The following STX4 variants were observed in gnomAD, a reference collection of about 807,000 sequenced individuals.
STX4 encodes the protein syntaxin 4, also known as syntaxin-4.
Under a neutral mutation model 41.8 loss-of-function variants are expected in STX4, and 24 were observed. The ratio of observed to expected loss-of-function variants is 0.57; its 90% CI spans 0.42 to 0.81. The LOEUF (loss-of-function observed/expected upper bound fraction) is 0.81, where lower values mean the gene tolerates loss of function less well. STX4 is among the 30% of genes least tolerant of loss of function. The probability of loss-of-function intolerance (pLI) is 0.00; values close to 1 mark genes in which losing one functional copy is unlikely to be tolerated. For synonymous variants in STX4, 158 were observed against 156.4 expected (o/e 1.01, Z -0.08); for missense variants, 316 against 389.9 (o/e 0.81, Z 1.60).
chr16:31,033,613 C>A lies in STX4; in HGVS notation c.-193C>A. 6.7e-7 allele frequency: 1 copy of A among 1,491,078 alleles called. No individual in the cohort carries two copies. Among genetic ancestry groups the A allele is most frequent in the East Asian group, 2.5e-5 (1 of 40,378 alleles). The allele number at this position is 1,491,078 out of a possible 1,614,324, so 92.4% of individuals were successfully genotyped here. A position where few individuals can be genotyped will look rare whatever the true frequency, so the allele number is the denominator to read the frequency against. On this transcript the variant is annotated 5_prime_UTR_variant, in exon 1 of 11. Coordinates refer to ENST00000313843, the MANE Select transcript of STX4 (RefSeq NM_004604.5). The surrounding 1 kb of genome is among the most constrained non-coding windows in gnomAD (Gnocchi z 5.5). ...AAAAGGGAATTCCAACCTGTGGAACCTTGGGGGGTCCCCGGGGTCGGCGCC... is the reference window on the plus strand; with the variant it reads ...AAAAGGGAATTCCAACCTGTGGAACATTGGGGGGTCCCCGGGGTCGGCGCC...
Position 31,033,782 on chromosome 16 carries a change from C to A in STX4, c.-24C>A. 6.9e-7 allele frequency: 1 copy of A among 1,450,224 alleles called. No homozygotes were observed. The highest frequency in any genetic ancestry group is 9.1e-7 in the Non-Finnish European group (1 of 1,099,304). 89.8% of individuals were successfully genotyped at this position (1,450,224 alleles called of 1,614,324 possible). A position where few individuals can be genotyped will look rare whatever the true frequency, so the allele number is the denominator to read the frequency against. ...TTTGAGGGCCTCCCGGCTCTGGCGC[C>A]GGGGAGGGAGAGCTCAGGCCGCCAT... On this transcript the variant is annotated 5_prime_UTR_variant, in exon 1 of 11. Coordinates refer to ENST00000313843, the MANE Select transcript of STX4 (RefSeq NM_004604.5). This position sits in a 1 kb window ranked among gnomAD's most constrained non-coding sequence, Gnocchi z 5.5.
At position 31,039,847 on chromosome 16, in the gene STX4, T is replaced by TGCCCCAGCCCTGGCCC. The variant is rs774245402; in HGVS notation, c.*15+30_*15+45dup. The TGCCCCAGCCCTGGCCC allele has an allele frequency of 1.3e-6, 2 of 1,599,806 alleles. No individual in the cohort carries two copies. The highest frequency in any genetic ancestry group is 1.7e-6 in the Non-Finnish European group (2 of 1,167,204). Reference sequence around the variant, plus strand: ...AGATGTTGTGGGCTGCCCCCTGGCCTGCCCCAGCCCTGGCCCCAGCCCTCC... The same window carrying TGCCCCAGCCCTGGCCC: ...AGATGTTGTGGGCTGCCCCCTGGCCTGCCCCAGCCCTGGCCCGCCCCAGCCCTGGCCCCAGCCCTCC... On this transcript the variant is annotated intron_variant, in intron 10 of 10. Coordinates refer to ENST00000313843, the MANE Select transcript of STX4 (RefSeq NM_004604.5). This position sits in a 1 kb window ranked among gnomAD's most constrained non-coding sequence, Gnocchi z 4.1.
rs142253791 is a variant in STX4, at chr16:31,039,620, C to A, written c.782C>A (p.Thr261Lys). 1.2e-6 allele frequency: 2 copies of A among 1,614,164 alleles called. No individual in the cohort carries two copies. Among genetic ancestry groups the A allele is most frequent in the East Asian group, 2.2e-5 (1 of 44,882 alleles). ...YVERGQEHVK[T>K]ALENQKKARK... ...GAACGTGGGCAGGAGCACGTCAAGACGGCCCTGGAGAACCAGAAGAAGGCG... is the reference window on the plus strand; with the variant it reads ...GAACGTGGGCAGGAGCACGTCAAGAAGGCCCTGGAGAACCAGAAGAAGGCG... The change falls in exon 9 of 11, where the codon ACG (threonine) becomes AAG (lysine). Residue 261 changes from threonine (T) to lysine (K), a missense_variant. By Grantham distance (78) the Thr-to-Lys change is moderately conservative. Transcript: ENST00000313843. The surrounding 1 kb of genome is among the most constrained non-coding windows in gnomAD (Gnocchi z 4.1).
intron 4 of STX4, 74 bp from the exon 5 acceptor site, chr16:31,034,895 AT>A: frequency 7.6e-7 from 1 of 1,322,614 alleles, no homozygotes; most frequent in Non-Finnish European, 1.0e-6. Context: ...AGCCTTAGTC[AT>A]TTTATGATAA....
chr16:31,036,501 C>T lies in STX4; in HGVS notation c.379-1425C>T, dbSNP rs148753960. Among the ~76,000 whole-genome samples the T allele has an allele frequency of 5.8e-3, 881 of 152,214 alleles. 2 individuals carry two copies. The highest frequency in any genetic ancestry group is 0.01 in the Non-Finnish European group (709 of 68,022). ...AGGTTGGCATTCAGCAAGCATTCAGCAGTTACATATTGGGTGCCTACTGTG... is the reference window on the plus strand; with the variant it reads ...AGGTTGGCATTCAGCAAGCATTCAGTAGTTACATATTGGGTGCCTACTGTG... On this transcript the variant is annotated intron_variant, in intron 5 of 10. Transcript: ENST00000313843.
rs1328314236 is a variant in STX4, at chr16:31,039,308, A to G, written c.703-233A>G. ...GAGCCATTTGAGGCCCTTAGCTCCA[A>G]GCTACCACTGCAGATAGAGGTTGTA... On this transcript the variant is annotated intron_variant, in intron 8 of 10. Coordinates refer to ENST00000313843, the MANE Select transcript of STX4 (RefSeq NM_004604.5). The surrounding 1 kb of genome is among the most constrained non-coding windows in gnomAD (Gnocchi z 4.1). The G allele has an allele frequency of 1.9e-6, 1 of 516,708 alleles. No individual in the cohort carries two copies. The highest frequency in any genetic ancestry group is 1.9e-5 in the African/African-American group (1 of 52,276). 32.0% of individuals were successfully genotyped at this position (516,708 alleles called of 1,614,324 possible).
chr16:31,037,803 G>GGTTAAGGTT (rs2056813469), intron 5 of STX4, 123 bp from the exon 6 acceptor site: 1 of 899,244 alleles, frequency 1.1e-6, no homozygotes, highest in Non-Finnish European at 1.8e-6. Flanking sequence ...ATCACAAGGT[G>GGTTAAGGTT]GTTAAGGTGG....
intron 4 of STX4, 105 bp from the exon 5 acceptor site, chr16:31,034,865 C>T: frequency 2.8e-6 from 3 of 1,073,872 alleles, no homozygotes; most frequent in Non-Finnish European, 4.0e-6. Context: ...AATAAACTTA[C>T]TTTCTCCTCT....
intron 4 of STX4, 93 bp from the exon 5 acceptor site, chr16:31,034,877 A>C: frequency 3.4e-6 from 4 of 1,176,190 alleles, no homozygotes; most frequent in Non-Finnish European, 4.8e-6. Context: ...TTCTCCTCTT[A>C]GAGGCTCAGC....
At position 31,039,692 on chromosome 16, in the gene STX4, G is replaced by T; in HGVS notation, c.814-31G>T. On this transcript the variant is annotated intron_variant, in intron 9 of 10. Transcript: ENST00000313843. The surrounding 1 kb of genome is among the most constrained non-coding windows in gnomAD (Gnocchi z 4.1). ...CCGGCCACTGCCCCAGGCACCCTGT[G>T]TGACTTCCCTGACCCCCTCCTCTCC... is the stretch of plus-strand genomic sequence containing the variant. The T allele has an allele frequency of 6.2e-7, 1 of 1,614,198 alleles. No individual in the cohort carries two copies.
At chr16:31,038,246 G>A (rs1326032803) in intron 7 of STX4, 56 bp downstream of exon 7, 30 of 1,604,230 alleles carry the variant, frequency 1.9e-5, no homozygotes, top group Non-Finnish European at 2.4e-5. Context: ...TCTGAGTCCT[G>A]TCCGTTTCTC....
chr16:31,033,771 G>GC lies in STX4; in HGVS notation c.-35_-34insC, dbSNP rs2056774808. The GC allele has an allele frequency of 1.4e-6, 2 of 1,450,790 alleles. No individual in the cohort carries two copies. Among genetic ancestry groups the GC allele is most frequent in the African/African-American group, 2.9e-5 (2 of 69,570 alleles). 89.9% of individuals were successfully genotyped at this position (1,450,790 alleles called of 1,614,324 possible). A position where few individuals can be genotyped will look rare whatever the true frequency, so the allele number is the denominator to read the frequency against. On this transcript the variant is annotated 5_prime_UTR_variant, in exon 1 of 11. Transcript: ENST00000313843. This position sits in a 1 kb window ranked among gnomAD's most constrained non-coding sequence, Gnocchi z 5.5. The stretch of plus-strand genomic sequence containing the variant: ...GGAATTCCAAATTTGAGGGCCTCCC[G>GC]GCTCTGGCGCCGGGGAGGGAGAGCT...
rs1226329943 is a variant in STX4 at position 31,035,143 on chromosome 16, A to G, written c.378+103A>G. Reference sequence around the variant, plus strand: ...GGGCCTGCAGAGATCATGGAGTCCAATTGGATGACTTTTCCAAATGGGGAA... The same window carrying G: ...GGGCCTGCAGAGATCATGGAGTCCAGTTGGATGACTTTTCCAAATGGGGAA... On this transcript the variant is annotated intron_variant, in intron 5 of 10. Coordinates refer to ENST00000313843, the MANE Select transcript of STX4 (RefSeq NM_004604.5). 1.0e-5 allele frequency: 9 copies of G among 870,542 alleles called. No individual in the cohort carries two copies. In the East Asian group the frequency reaches 1.8e-4, roughly 18 times the overall value. 53.9% of individuals were successfully genotyped at this position (870,542 alleles called of 1,614,324 possible). A position where few individuals can be genotyped will look rare whatever the true frequency, so the allele number is the denominator to read the frequency against.
At chr16:31,034,935 A>G (rs2056788109) in intron 4 of STX4, 35 bp from the exon 5 acceptor site, 1 of 1,515,768 alleles carries the variant, frequency 6.6e-7, no homozygotes, top group Non-Finnish European at 8.8e-7. Context: ...TCCTATGGAG[A>G]CAAGTACCCC....
In STX4 at chr16:31,039,987, G is replaced by A. The variant is rs1054444420; in HGVS notation, c.*91G>A. ...GGGGGGCAGGGCAGAGCCTCCAGTCGGACCCCTTCCTCACACTGGCCCCTA... is the reference window on the plus strand; with the variant it reads ...GGGGGGCAGGGCAGAGCCTCCAGTCAGACCCCTTCCTCACACTGGCCCCTA... On this transcript the variant is annotated 3_prime_UTR_variant, in exon 11 of 11. Coordinates refer to ENST00000313843, the MANE Select transcript of STX4 (RefSeq NM_004604.5). The surrounding 1 kb of genome is among the most constrained non-coding windows in gnomAD (Gnocchi z 4.1). 7 of 655,850 alleles carry A rather than the reference G, an allele frequency of 1.1e-5. No individual in the cohort carries two copies. The highest frequency in any genetic ancestry group is 3.6e-5 in the African/African-American group (2 of 55,168). 40.6% of individuals were successfully genotyped at this position (655,850 alleles called of 1,614,324 possible).
At chr16:31,035,468 C>T (rs1447742724) in intron 5 of STX4, among the ~76,000 whole-genome samples, 1 of 152,068 alleles carries the variant, frequency 6.6e-6, no homozygotes, top group African/African-American at 2.4e-5. Context: ...CTCAGGTGAC[C>T]CTCCTGCCTC....
intron 7 of STX4, 122 bp downstream of exon 7, chr16:31,038,312 T>G (rs1043884581): frequency 7.2e-7 from 1 of 1,389,592 alleles, no homozygotes; most frequent in Non-Finnish European, 1.0e-6. Flanking sequence ...GCTGGGACTA[T>G]AGGTGCAAGC....
At chr16:31,038,830 A>G (rs1253237905) in intron 8 of STX4, among the ~76,000 whole-genome samples, 183 bp downstream of exon 8, 2 of 151,322 alleles carry the variant, frequency 1.3e-5, no homozygotes, top group Non-Finnish European at 2.9e-5. Context: ...GCTGCTACAC[A>G]GATGCCCACT....
In STX4 at chr16:31,037,946, A is replaced by C. The variant is rs770790549; in HGVS notation, c.399A>C (p.Gln133His). 3 of 1,614,066 alleles carry C rather than the reference A, an allele frequency of 1.9e-6. No homozygotes were observed. Among genetic ancestry groups the C allele is most frequent in the Non-Finnish European group, 1.7e-6 (2 of 1,179,972 alleles). ...TTTAGCATGGGGTCCTGTCCCAGCA[A>C]TTCGTGGAGCTCATCAACAAGTGCA... ...RKTQHGVLSQQFVELINKCNS... is the reference protein window; with the variant it reads ...RKTQHGVLSQHFVELINKCNS... Residue 133 changes from glutamine to histidine, a missense_variant, in exon 6 of 11, where the codon CAA becomes CAC. Gln to His is a conservative substitution (Grantham distance 24). Transcript: ENST00000313843.
Sources: gnomAD v4.1 joint callset for allele counts (sites outside exome capture counted in the v4.1 genomes callset) on GRCh38, gnomAD v4.1.1 for gene constraint, Gnocchi (gnomAD v3.1) non-coding constraint, MANE v1.5 for transcripts, NCBI Gene and HGNC (gene_info 2026-07-23, HGNC 2026-07-21) for gene names.